PPARGC1A: variants seen among roughly 807,000 people sequenced by gnomAD.
PPARGC1A encodes peroxisome proliferator-activated receptor gamma coactivator 1-alpha.
PPARGC1A carries 25 observed loss-of-function variants against 88.7 expected under a neutral mutation model. The ratio of observed to expected loss-of-function variants is 0.28; its 90% CI spans 0.21 to 0.39. The LOEUF (loss-of-function observed/expected upper bound fraction) is 0.39. Among genes scored for constraint, PPARGC1A ranks in the 10% least tolerant of loss-of-function variants. The probability of loss-of-function intolerance (pLI) is 1.00; values close to 1 mark genes in which losing one functional copy is unlikely to be tolerated. For synonymous variants in PPARGC1A, 363 were observed against 355.6 expected (o/e 1.02, Z -0.24); for missense variants, 880 against 968.7 (o/e 0.91, Z 1.22).
the PPARGC1A span, among the ~76,000 whole-genome samples, chr4:23,986,043 C>G: frequency 3.3e-3 from 504 of 151,808 alleles, 7 homozygotes; most frequent in Admixed American, 0.028. Flanking sequence ...TGAAACTCCC[C>G]GAGCCCTTTG....
At chr4:23,920,244 G>A in the PPARGC1A span, among the ~76,000 whole-genome samples, 1,124 of 152,270 alleles carry the variant, frequency 7.4e-3, 6 homozygotes, top group Middle Eastern at 0.014. Flanking sequence ...CAAGTACAGG[G>A]AAGCTTCTAC....
the PPARGC1A span, among the ~76,000 whole-genome samples, chr4:24,155,614 A>T: frequency 6.7e-6 from 1 of 150,184 alleles, no homozygotes; most frequent in African/African-American, 2.5e-5. Flanking sequence ...AAAAAAAAAT[A>T]CAAGAGGAAT....
chr4:24,268,500 T>A, the PPARGC1A span, among the ~76,000 whole-genome samples: 1 of 152,310 alleles, frequency 6.6e-6, no homozygotes, highest in East Asian at 1.9e-4. Context: ...TAATAGATGC[T>A]CTTATATTGG....
chr4:24,093,863 T>C, the PPARGC1A span, among the ~76,000 whole-genome samples: 1 of 152,188 alleles, frequency 6.6e-6, no homozygotes, highest in Non-Finnish European at 1.5e-5. Flanking sequence ...CTGGTTTCCA[T>C]GTGTGTAAAG....
the PPARGC1A span, among the ~76,000 whole-genome samples, chr4:24,323,937 G>A: frequency 6.6e-6 from 1 of 152,044 alleles, no homozygotes; most frequent in Non-Finnish European, 1.5e-5. Context: ...TTCAATCTTG[G>A]CGCTACACTT....
the PPARGC1A span, among the ~76,000 whole-genome samples, chr4:24,062,464 A>G: frequency 6.6e-6 from 1 of 152,322 alleles, no homozygotes; most frequent in Non-Finnish European, 1.5e-5. Flanking sequence ...TTTCCCTAAC[A>G]TGAATCATCT....
the PPARGC1A span, among the ~76,000 whole-genome samples, chr4:24,215,433 C>T: frequency 1.1e-4 from 16 of 151,946 alleles, no homozygotes; most frequent in East Asian, 1.4e-3. Flanking sequence ...AAGACTTTTT[C>T]GGAGAGAGAA....
chr4:24,008,422 C>T, the PPARGC1A span, among the ~76,000 whole-genome samples: 3 of 152,082 alleles, frequency 2.0e-5, no homozygotes, highest in Non-Finnish European at 4.4e-5. Context: ...ATTTTCAGTC[C>T]TTGTACATCT....
the PPARGC1A span, among the ~76,000 whole-genome samples, chr4:24,085,347 AT>A: frequency 1.3e-5 from 2 of 152,246 alleles, no homozygotes; most frequent in South Asian, 2.1e-4. Flanking sequence ...AATAAAAGTT[AT>A]TTAAAACAAA....
At chr4:23,950,791 C>T in the PPARGC1A span, among the ~76,000 whole-genome samples, 3 of 152,106 alleles carry the variant, frequency 2.0e-5, no homozygotes, top group Non-Finnish European at 4.4e-5. Context: ...GCCCTTTAGT[C>T]TTAACAAAAA....
chr4:24,472,788 G>A, the PPARGC1A span, among the ~76,000 whole-genome samples: 6 of 151,916 alleles, frequency 3.9e-5, no homozygotes, highest in African/African-American at 1.2e-4. The surrounding 1 kb of genome is among the most constrained non-coding windows in gnomAD (Gnocchi z 4.5). Context: ...GTGTGTGTGC[G>A]TGTGCGTGTG....
the PPARGC1A span, among the ~76,000 whole-genome samples, chr4:24,244,847 C>T: frequency 6.6e-6 from 1 of 152,166 alleles, no homozygotes; most frequent in Admixed American, 6.5e-5. Flanking sequence ...ATTATCTCAG[C>T]ATTATGTAAA....
At chr4:23,821,251 C>T (rs1722968515) in intron 7 of PPARGC1A, among the ~76,000 whole-genome samples, 1 of 152,098 alleles carries the variant, frequency 6.6e-6, no homozygotes, top group Admixed American at 6.6e-5. Flanking sequence ...CATTAGATAG[C>T]TTGTGTCAAC....
intron 2 of PPARGC1A, among the ~76,000 whole-genome samples, chr4:23,836,369 T>C (rs1170405754): frequency 6.6e-6 from 1 of 152,184 alleles, no homozygotes. Context: ...CCTTACACAA[T>C]GCAATTCTTC....
At chr4:24,352,970 C>G in the PPARGC1A span, among the ~76,000 whole-genome samples, 1 of 152,164 alleles carries the variant, frequency 6.6e-6, no homozygotes, top group African/African-American at 2.4e-5. Flanking sequence ...CCATCTCTCT[C>G]CCGTGGCATG....
chr4:24,445,559 AACATGTTGGT>A, the PPARGC1A span, among the ~76,000 whole-genome samples: 1 of 152,222 alleles, frequency 6.6e-6, no homozygotes, highest in Non-Finnish European at 1.5e-5. Flanking sequence ...CCTCTCAGGA[AACATGTTGGT>A]ATATGTGAAG....
chr4:23,868,492 C>T (rs1712549751), intron 2 of PPARGC1A, among the ~76,000 whole-genome samples: 1 of 152,156 alleles, frequency 6.6e-6, no homozygotes, highest in African/African-American at 2.4e-5. Flanking sequence ...TTAACAAAAA[C>T]TAGAGAGAGT....
At chr4:24,285,268 C>T in the PPARGC1A span, among the ~76,000 whole-genome samples, 1 of 152,190 alleles carries the variant, frequency 6.6e-6, no homozygotes, top group Non-Finnish European at 1.5e-5. Flanking sequence ...ATCAAGTCCT[C>T]CTCTTTCAAA....
chr4:24,276,261 A>T, the PPARGC1A span, among the ~76,000 whole-genome samples: 1 of 152,154 alleles, frequency 6.6e-6, no homozygotes, highest in African/African-American at 2.4e-5. Flanking sequence ...TAGCTTGGGG[A>T]GGAGCTCAAA....
Sources: allele counts gnomAD v4.1 joint callset (sites outside exome capture counted in the v4.1 genomes callset), GRCh38; gene constraint gnomAD v4.1.1; non-coding constraint Gnocchi (gnomAD v3.1); transcripts MANE v1.5; gene names NCBI Gene and HGNC (gene_info 2026-07-23, HGNC 2026-07-21).